Variants in HAUS8 observed in about 807,000 individuals in gnomAD.
HAUS8 encodes HAUS augmin-like complex subunit 8.
HAUS8 carries 38 observed loss-of-function variants against 42.9 expected under a neutral mutation model. That is an observed-to-expected ratio of 0.89 (90% CI 0.68 to 1.16). The LOEUF (loss-of-function observed/expected upper bound fraction) is 1.16, where lower values mean the gene tolerates loss of function less well. Among genes scored for constraint, HAUS8 ranks in the 50% most tolerant of loss-of-function variants. The pLI is 0.00. For synonymous variants in HAUS8, 199 were observed against 205.8 expected (o/e 0.97, Z 0.28); for missense variants, 494 against 511.6 (o/e 0.97, Z 0.33).
intron 6 of HAUS8, among the ~76,000 whole-genome samples, 166 bp from the exon 7 acceptor site, chr19:17,059,042 G>A (rs2057343816): frequency 6.6e-6 from 1 of 152,166 alleles, no homozygotes; most frequent in Non-Finnish European, 1.5e-5. Context: ...CTTTTATTTG[G>A]TTTTCTGCGG....
At chr19:17,051,444 G>A (rs1000804311) in intron 10 of HAUS8, among the ~76,000 whole-genome samples, 1 of 151,948 alleles carries the variant, frequency 6.6e-6, no homozygotes, top group Non-Finnish European at 1.5e-5. Flanking sequence ...GACGCACAAG[G>A]ATATGTGCTC....
At position 17,049,768 on chromosome 19, in the gene HAUS8, G is replaced by A. The variant is rs543327709; in HGVS notation, c.*105C>T. On this transcript the variant is annotated 3_prime_UTR_variant, in exon 11 of 11. Coordinates refer to ENST00000253669, the MANE Select transcript of HAUS8 (RefSeq NM_033417.2). ...TTCATAGAAAATGGAGGCTTCAATT[G>A]CAAAACAGGTTTACTTTTTTATCAA... 11 of 1,007,600 alleles carry A rather than the reference G, an allele frequency of 1.1e-5. No homozygotes were observed. In the African/African-American group the frequency reaches 1.7e-4, roughly 15 times the overall value. The allele number at this position is 1,007,600 out of a possible 1,614,324, so 62.4% of individuals were successfully genotyped here.
At chr19:17,073,205 T>C (rs1568643784) in intron 2 of HAUS8, 69 bp downstream of exon 2, 4 of 1,417,028 alleles carry the variant, frequency 2.8e-6, no homozygotes, top group African/African-American at 1.4e-5. Flanking sequence ...GCCTGTTTTT[T>C]TCTTCCTCCA....
At chr19:17,059,026 T>C (rs746788948) in intron 6 of HAUS8, 150 bp from the exon 7 acceptor site, 1 of 630,458 alleles carries the variant, frequency 1.6e-6, no homozygotes, top group Non-Finnish European at 2.7e-6. Flanking sequence ...CTATTGCTTC[T>C]ATTTTCTTTT....
chr19:17,068,745 CAG>C (rs937442414), intron 3 of HAUS8, among the ~76,000 whole-genome samples: 3 of 151,922 alleles, frequency 2.0e-5, no homozygotes, highest in Non-Finnish European at 4.4e-5. Flanking sequence ...GCCTGGGCAA[CAG>C]AGAGAGACCT....
intron 3 of HAUS8, among the ~76,000 whole-genome samples, chr19:17,066,574 A>C (rs1378767916): frequency 6.6e-6 from 1 of 152,152 alleles, no homozygotes; most frequent in Non-Finnish European, 1.5e-5. Context: ...CTGAGCCCTC[A>C]CCCTATAGGT....
At chr19:17,051,140 G>A (rs1197499264) in intron 10 of HAUS8, among the ~76,000 whole-genome samples, 2 of 152,210 alleles carry the variant, frequency 1.3e-5, no homozygotes, top group East Asian at 1.9e-4. Context: ...ACATTCTGCC[G>A]TTCATGGATG....
chr19:17,054,392 C>T (rs964201263), intron 9 of HAUS8, among the ~76,000 whole-genome samples: 1 of 152,118 alleles, frequency 6.6e-6, no homozygotes, highest in Non-Finnish European at 1.5e-5. Flanking sequence ...GGGCTCACAC[C>T]TATTCAGGAA....
intron 3 of HAUS8, among the ~76,000 whole-genome samples, chr19:17,066,318 G>A (rs1410381631): frequency 6.6e-6 from 1 of 151,948 alleles, no homozygotes; most frequent in African/African-American, 2.4e-5. Context: ...GGAACTCCTG[G>A]CCTCAAGCAA....
chr19:17,056,152 G>C, intron 8 of HAUS8, 150 bp from the exon 9 acceptor site: 1 of 766,804 alleles, frequency 1.3e-6, no homozygotes, highest in Non-Finnish European at 2.1e-6. Context: ...CGAGGGTGTG[G>C]TGAGCTCTTC....
intron 8 of HAUS8, 109 bp downstream of exon 8, chr19:17,058,440 T>C: frequency 9.0e-7 from 1 of 1,115,330 alleles, no homozygotes; most frequent in Non-Finnish European, 1.3e-6. Context: ...CCAACACAGT[T>C]AGAAGCCAGT....
intron 1 of HAUS8, 107 bp downstream of exon 1, chr19:17,075,287 G>A: frequency 8.0e-7 from 1 of 1,256,676 alleles, no homozygotes; most frequent in Admixed American, 1.7e-5. Context: ...TTCCTGGCGG[G>A]GTCGAACCCG....
At chr19:17,071,717 C>G (rs1452797834) in intron 2 of HAUS8, among the ~76,000 whole-genome samples, 1 of 152,176 alleles carries the variant, frequency 6.6e-6, no homozygotes. Context: ...AACAGCCTGG[C>G]TAGGTGCGGT....
rs141900597 is a variant in HAUS8, at chr19:17,071,286, C to G, written c.91+1988G>C. Reference sequence around the variant, plus strand: ...CTACCCTGAGAGGAAAGGAGGTACCCTCAGAGTTAACAAGGATCCTTCAGT... The same window carrying G: ...CTACCCTGAGAGGAAAGGAGGTACCGTCAGAGTTAACAAGGATCCTTCAGT... On this transcript the variant is annotated intron_variant, in intron 2 of 10. Coordinates refer to ENST00000253669, the MANE Select transcript of HAUS8 (RefSeq NM_033417.2). Among the ~76,000 whole-genome samples the G allele has an allele frequency of 2.0e-4, 30 of 152,274 alleles. No homozygotes were observed. In the East Asian group the frequency reaches 5.8e-3, roughly 29 times the overall value.
intron 1 of HAUS8, 88 bp downstream of exon 1, chr19:17,075,306 C>T (rs2057464012): frequency 6.8e-7 from 1 of 1,469,688 alleles, no homozygotes; most frequent in Admixed American, 1.7e-5. Context: ...CGAACTCACC[C>T]CGAGGGTCCT....
Position 17,049,900 on chromosome 19 carries a change from G to A in HAUS8, c.1206C>T (p.Leu402=). 2 of 1,504,688 alleles carry A rather than the reference G, an allele frequency of 1.3e-6. No individual in the cohort carries two copies. The highest frequency in any genetic ancestry group is 1.4e-5 in the African/African-American group (1 of 71,472). The allele number at this position is 1,504,688 out of a possible 1,614,324, so 93.2% of individuals were successfully genotyped here. A position where few individuals can be genotyped will look rare whatever the true frequency, so the allele number is the denominator to read the frequency against. Residue 402 remains leucine (L), a synonymous_variant, in exon 11 of 11, where the codon CTC becomes CTT. Coordinates refer to ENST00000253669, the MANE Select transcript of HAUS8 (RefSeq NM_033417.2). ...ATGACAAGTCCCTCCCTGAACGAGA[G>A]AGAGAGGGCGGGACTTCTGCCTGGC... The part of the protein sequence containing the change: ...SSSQAEVPPS[L]SRSGRDLS
intron 10 of HAUS8, among the ~76,000 whole-genome samples, chr19:17,051,387 G>T (rs2057286304): frequency 1.5e-5 from 1 of 67,774 alleles, no homozygotes; most frequent in Non-Finnish European, 2.8e-5. Context: ...CCTGGGGGAG[G>T]TTAAAAAAAA....
chr19:17,075,277 T>C, intron 1 of HAUS8, 117 bp downstream of exon 1: 1 of 1,165,840 alleles, frequency 8.6e-7, no homozygotes, highest in South Asian at 1.2e-5. Flanking sequence ...GCCCGCGCAG[T>C]TCCTGGCGGG....
chr19:17,072,937 G>C (rs1278105883), intron 2 of HAUS8, among the ~76,000 whole-genome samples: 1 of 133,656 alleles, frequency 7.5e-6, no homozygotes, highest in African/African-American at 2.8e-5. Flanking sequence ...GTAACATAGT[G>C]AGACCCCAAC....
Sources: allele counts gnomAD v4.1 joint callset (sites outside exome capture counted in the v4.1 genomes callset), GRCh38; gene constraint gnomAD v4.1.1; transcripts MANE v1.5; gene names NCBI Gene and HGNC (gene_info 2026-07-23, HGNC 2026-07-21).